The following PEAK1 variants were observed in gnomAD, a reference collection of about 807,000 sequenced individuals.
PEAK1 encodes pseudopodium enriched atypical kinase 1.
A neutral mutation model predicts 124.7 loss-of-function variants in PEAK1; 54 were observed. That is an observed-to-expected ratio of 0.43 (90% confidence interval 0.35 to 0.54). The LOEUF is 0.54. Ranked by LOEUF, PEAK1 falls within the 20% of genes least tolerant of loss-of-function variation. The pLI is 0.01. For synonymous variants in PEAK1, 719 were observed against 760.0 expected, an observed-to-expected ratio of 0.95 and a Z score of 0.89; for missense variants, 2,046 against 2,134.5, an observed-to-expected ratio of 0.96 and a Z score of 0.82.
chr15:77,164,061 A>AAAAAC (rs1278973204), intron 7 of PEAK1, among the ~76,000 whole-genome samples: 2 of 152,204 alleles, frequency 1.3e-5, no homozygotes, highest in African/African-American at 2.4e-5. Flanking sequence ...GAAAGGGAGA[A>AAAAAC]AAAACAAAAC....
intron 1 of PEAK1, among the ~76,000 whole-genome samples, chr15:77,399,114 A>C (rs1236476733): frequency 6.6e-6 from 1 of 152,216 alleles, no homozygotes. Context: ...GGAAGAAGAC[A>C]CTAAAAAATG....
intron 2 of PEAK1, among the ~76,000 whole-genome samples, chr15:77,300,383 T>C (rs1044684310): frequency 2.6e-5 from 4 of 152,198 alleles, no homozygotes; most frequent in Admixed American, 6.5e-5. Flanking sequence ...GTAAGAAAAC[T>C]CTTGCTTTTG....
At chr15:77,395,756 A>ACAAACAAAAGT (rs2070832827) in intron 1 of PEAK1, among the ~76,000 whole-genome samples, 1 of 152,166 alleles carries the variant, frequency 6.6e-6, no homozygotes, top group South Asian at 2.1e-4. Flanking sequence ...GCTTTCCCAG[A>ACAAACAAAAGT]CAAACAAAAG....
chr15:77,161,965 C>CAA (rs33972250), intron 7 of PEAK1, among the ~76,000 whole-genome samples: 27,942 of 84,120 alleles, frequency 0.33, 5,276 homozygotes, highest in Middle Eastern at 0.37. Context: ...GACTCTGTCT[C>CAA]AAAAAAAAAA....
At chr15:77,164,765 T>C (rs1252822743) in intron 7 of PEAK1, among the ~76,000 whole-genome samples, 2 of 152,226 alleles carry the variant, frequency 1.3e-5, no homozygotes, top group South Asian at 2.1e-4. Context: ...CTTAGCATCA[T>C]AATTTTGGCC....
chr15:77,215,491 T>G (rs1596654618), intron 6 of PEAK1, among the ~76,000 whole-genome samples: 1 of 152,214 alleles, frequency 6.6e-6, no homozygotes, highest in African/African-American at 2.4e-5. Context: ...CACACTCTCG[T>G]ATACTTTAAA....
In PEAK1 at chr15:77,137,324, C is replaced by T. The variant is rs375586099; in HGVS notation, c.3332-3574G>A. On this transcript the variant is annotated intron_variant, in intron 8 of 9. Coordinates refer to ENST00000682557, the MANE Select transcript of PEAK1 (RefSeq NM_001385026.1). ...GAAGAGGGCCACTGTCCTCCAGATC[C>T]CAGAATGGTAGATCCACTGACAGCT... Among the ~76,000 whole-genome samples the T allele has an allele frequency of 2.0e-5, 3 of 152,300 alleles. No homozygotes were observed. In the East Asian group the frequency reaches 5.8e-4, roughly 29 times the overall value.
chr15:77,376,617 T>C (rs551673572), intron 1 of PEAK1, among the ~76,000 whole-genome samples: 1 of 152,318 alleles, frequency 6.6e-6, no homozygotes, highest in South Asian at 2.1e-4. Context: ...AGATACACTT[T>C]TCTGGTTTTC....
At position 77,180,313 on chromosome 15, in the gene PEAK1, G is replaced by A; in HGVS notation, c.1614C>T (p.Ser538=). The A allele has an allele frequency of 6.2e-7, 1 of 1,613,892 alleles. No individual in the cohort carries two copies. Among genetic ancestry groups the A allele is most frequent in the Non-Finnish European group, 8.5e-7 (1 of 1,179,774 alleles). Residue 538 remains serine (S), a synonymous_variant, in exon 7 of 10, where the codon AGC becomes AGT. Coordinates refer to ENST00000682557, the MANE Select transcript of PEAK1 (RefSeq NM_001385026.1). ...AIRYQEVWTS[S]TSPRQKIPKV... ...TAGGTATCTTTTGTCGTGGACTGGT[G>A]CTAGAAGTCCATACTTCTTGGTATC...
At chr15:77,122,591 G>C (rs538914124) in intron 9 of PEAK1, among the ~76,000 whole-genome samples, 1 of 151,984 alleles carries the variant, frequency 6.6e-6, no homozygotes, top group Non-Finnish European at 1.5e-5. Flanking sequence ...TTTCCCACCA[G>C]ACAACTCATT....
At chr15:77,105,357 T>TGTGCGC (rs1555407960), downstream of PEAK1, 4 of 85,404 alleles carry the variant, frequency 4.7e-5, no homozygotes, top group African/African-American at 1.6e-4. Context: ...TGTGTGTGTG[T>TGTGCGC]GCGCGCGTGC....
intron 5 of PEAK1, among the ~76,000 whole-genome samples, chr15:77,256,773 T>A (rs1358150744): frequency 6.6e-6 from 1 of 152,100 alleles, no homozygotes; most frequent in Non-Finnish European, 1.5e-5. Context: ...ATGTGCACAA[T>A]GTGCAGGTTA....
intron 2 of PEAK1, among the ~76,000 whole-genome samples, chr15:77,359,476 G>A (rs1433232057): frequency 1.3e-5 from 2 of 150,032 alleles, no homozygotes; most frequent in Admixed American, 6.7e-5. Context: ...GAGCAGTTAA[G>A]AGACATGAAA....
Position 77,181,273 on chromosome 15 carries a change from A to C in PEAK1, c.654T>G (p.Ile218Met), listed in dbSNP as rs1237390180. Residue 218 changes from isoleucine (I) to methionine (M), a missense_variant, in exon 7 of 10, where the codon ATT (isoleucine) becomes ATG (methionine). Transcript: ENST00000682557. Reference protein sequence around the residue: ...HVILSGSTEVISNEGGRFCYP... With the variant: ...HVILSGSTEVMSNEGGRFCYP... ...AACAGAACCGGCCCCCTTCATTACT[A>C]ATCACTTCTGTGCTCCCACTCAGAA... is the stretch of plus-strand genomic sequence containing the variant. 6.2e-7 allele frequency: 1 copy of C among 1,613,848 alleles called. No individual in the cohort carries two copies. The highest frequency in any genetic ancestry group is 8.5e-7 in the Non-Finnish European group (1 of 1,180,004).
chr15:77,333,141 ACTTT>A, intron 2 of PEAK1: 1 of 965,604 alleles, frequency 1.0e-6, no homozygotes, highest in Non-Finnish European at 1.2e-6. Flanking sequence ...CAACTAAAAC[ACTTT>A]ATTTATTTAT....
chr15:77,236,398 A>C (rs2060126401), intron 6 of PEAK1, among the ~76,000 whole-genome samples: 1 of 152,142 alleles, frequency 6.6e-6, no homozygotes, highest in South Asian at 2.1e-4. Context: ...AAGATTTAAT[A>C]ATTGCCCTAT....
At position 77,242,497 on chromosome 15, in the gene PEAK1, G is replaced by C. The variant is rs548234161; in HGVS notation, c.-115+9870C>G. On this transcript the variant is annotated intron_variant, in intron 6 of 9. Transcript: ENST00000682557. ...CTATCTGCTCAAAGTGCATGTCTTT[G>C]AGGAAATGTAACAGGAGAAAATACA... Among the ~76,000 whole-genome samples, 19 of 152,198 alleles carry C rather than the reference G, an allele frequency of 1.2e-4. No homozygotes were observed. In the South Asian group the frequency reaches 2.1e-3, roughly 17 times the overall value.
chr15:77,314,183 A>G (rs1460839678), intron 2 of PEAK1, among the ~76,000 whole-genome samples: 1 of 152,104 alleles, frequency 6.6e-6, no homozygotes, highest in Non-Finnish European at 1.5e-5. Flanking sequence ...ATATGCTATC[A>G]TTGTATTCTT....
chr15:77,260,076 G>C (rs1304332611), intron 5 of PEAK1, among the ~76,000 whole-genome samples: 1 of 152,104 alleles, frequency 6.6e-6, no homozygotes. Flanking sequence ...AAGATTCTCA[G>C]AGCTGACATA....
Sources: gnomAD v4.1 joint callset for allele counts (sites outside exome capture counted in the v4.1 genomes callset) on GRCh38, gnomAD v4.1.1 for gene constraint, MANE v1.5 for transcripts, NCBI Gene and HGNC (gene_info 2026-07-23, HGNC 2026-07-21) for gene names.